The following DGKI variants were observed in gnomAD, a reference collection of about 807,000 sequenced individuals.
DGKI encodes the protein DAG kinase iota.
DGKI carries 55 observed loss-of-function variants against 147.5 expected under a neutral mutation model. The ratio of observed to expected loss-of-function variants is 0.37; its 90% CI spans 0.30 to 0.47. The LOEUF (loss-of-function observed/expected upper bound fraction) is 0.47, where lower values mean the gene tolerates loss of function less well. Ranked by LOEUF, DGKI falls within the 20% of genes least tolerant of loss-of-function variation. DGKI has a pLI of 1.00. For synonymous variants in DGKI, 469 were observed against 477.1 expected (o/e 0.98, Z 0.22); for missense variants, 1,007 against 1,323.8 (o/e 0.76, Z 3.71).
At chr7:137,652,932 C>T (rs1409992855) in intron 5 of DGKI, among the ~76,000 whole-genome samples, 3 of 152,200 alleles carry the variant, frequency 2.0e-5, no homozygotes, top group Non-Finnish European at 4.4e-5. Flanking sequence ...TGACCTCCAG[C>T]CCAGTCTTCC....
At chr7:137,726,629 T>C (rs754171585) in intron 1 of DGKI, among the ~76,000 whole-genome samples, 22 of 152,226 alleles carry the variant, frequency 1.4e-4, no homozygotes, top group Admixed American at 9.8e-4. Flanking sequence ...AACTACAAGT[T>C]CTTCCACGGA....
intron 21 of DGKI, among the ~76,000 whole-genome samples, chr7:137,501,735 AAC>A (rs1391068657): frequency 1.3e-5 from 2 of 152,164 alleles, no homozygotes; most frequent in Non-Finnish European, 2.9e-5. Context: ...CTCTGAGGTT[AAC>A]ACACATGCCA....
chr7:137,453,552 G>T (rs376025462), intron 27 of DGKI, among the ~76,000 whole-genome samples: 12 of 152,360 alleles, frequency 7.9e-5, no homozygotes, highest in African/African-American at 2.9e-4. Context: ...GCGAGAATGA[G>T]AGTGAGAGAT....
At chr7:137,464,092 A>T (rs1294898534) in intron 26 of DGKI, among the ~76,000 whole-genome samples, 2 of 151,740 alleles carry the variant, frequency 1.3e-5, no homozygotes, top group East Asian at 3.9e-4. Context: ...CATGAAGAAA[A>T]CGACCATACA....
intron 3 of DGKI, among the ~76,000 whole-genome samples, chr7:137,675,477 G>A (rs1247047964): frequency 6.9e-6 from 1 of 144,762 alleles, no homozygotes; most frequent in Non-Finnish European, 1.5e-5. Context: ...CTGAGGTCAG[G>A]AGTTTGAGAC....
intron 28 of DGKI, among the ~76,000 whole-genome samples, chr7:137,426,238 C>A (rs142565901): frequency 0.059 from 8,979 of 152,122 alleles, 701 homozygotes; most frequent in African/African-American, 0.18. Context: ...GAGTGGGGGC[C>A]GATATTCAAC....
chr7:137,669,956 T>C (rs540173112), intron 3 of DGKI, among the ~76,000 whole-genome samples: 2 of 152,216 alleles, frequency 1.3e-5, no homozygotes, highest in East Asian at 3.9e-4. Flanking sequence ...TCCTACAAAA[T>C]GGCAATGGGT....
rs527868883 is a variant in DGKI, at chr7:137,551,987, G to A, written c.2147+382C>T. 3.3e-5 allele frequency among the ~76,000 whole-genome samples: 5 copies of A among 152,254 alleles called. No homozygotes were observed. In the East Asian group the frequency reaches 5.8e-4, roughly 18 times the overall value. Reference sequence around the variant, plus strand: ...CTGGAGAAACCAACACTCTCCAAGCGACCTGGGTAAAGAGCAGGCTAACTA... The same window carrying A: ...CTGGAGAAACCAACACTCTCCAAGCAACCTGGGTAAAGAGCAGGCTAACTA... On this transcript the variant is annotated intron_variant, in intron 20 of 32. Transcript: ENST00000614521.
At chr7:137,577,017 C>A (rs112203763) in intron 17 of DGKI, among the ~76,000 whole-genome samples, 1 of 152,092 alleles carries the variant, frequency 6.6e-6, no homozygotes, top group Admixed American at 6.5e-5. Flanking sequence ...TCTTCAGGAG[C>A]GAAACTAGTC....
chr7:137,406,015 T>G (rs1015500160), intron 30 of DGKI, among the ~76,000 whole-genome samples: 4 of 151,840 alleles, frequency 2.6e-5, no homozygotes, highest in Non-Finnish European at 5.9e-5. Context: ...GAGAGAGAGA[T>G]TCCTGGATTG....
At chr7:137,715,888 A>G (rs1794361420) in intron 1 of DGKI, among the ~76,000 whole-genome samples, 1 of 152,210 alleles carries the variant, frequency 6.6e-6, no homozygotes, top group Non-Finnish European at 1.5e-5. Context: ...ACTTTACCAG[A>G]TAAACAATCA....
chr7:137,619,645 G>A lies in DGKI; in HGVS notation c.993+179C>T, dbSNP rs73152507. On this transcript the variant is annotated intron_variant, in intron 8 of 32. Coordinates refer to ENST00000614521, the MANE Select transcript of DGKI (RefSeq NM_001321708.2). ...GGATGGGGAGGCTGGTTCCATGAGA[G>A]AGCCCAAAGTGGGAAAGAGATGGGC... Among the ~76,000 whole-genome samples the A allele has an allele frequency of 3.1e-3, 474 of 152,308 alleles. 2 individuals are homozygous for A. Among genetic ancestry groups the A allele is most frequent in the Non-Finnish European group, 4.8e-3 (327 of 68,018 alleles).
chr7:137,573,796 C>T (rs888690441), intron 17 of DGKI, among the ~76,000 whole-genome samples: 1 of 152,206 alleles, frequency 6.6e-6, no homozygotes, highest in African/African-American at 2.4e-5. Flanking sequence ...CAACAACCCT[C>T]GAACATGGAT....
At chr7:137,549,484 G>A (rs1026353376) in intron 20 of DGKI, among the ~76,000 whole-genome samples, 1 of 152,050 alleles carries the variant, frequency 6.6e-6, no homozygotes, top group African/African-American at 2.4e-5. Flanking sequence ...TCTTCTTACT[G>A]GGAACACACA....
Position 137,390,862 on chromosome 7 carries a change from G to A in DGKI, c.*358C>T, listed in dbSNP as rs1245280468. On this transcript the variant is annotated 3_prime_UTR_variant, in exon 33 of 33. Transcript: ENST00000614521. ...GTATGGTACAGGGAAAAAAACCAAT[G>A]CATAGGGGGAGGATGGAGCAGTGCC... 1 of 244,656 alleles carries A rather than the reference G, an allele frequency of 4.1e-6. No homozygotes were observed. The highest frequency in any genetic ancestry group is 2.3e-5 in the African/African-American group (1 of 42,784). 15.2% of individuals were successfully genotyped at this position (244,656 alleles called of 1,614,324 possible). A position where few individuals can be genotyped will look rare whatever the true frequency, so the allele number is the denominator to read the frequency against.
intron 6 of DGKI, among the ~76,000 whole-genome samples, chr7:137,640,154 G>A (rs185978818): frequency 6.6e-6 from 1 of 152,026 alleles, no homozygotes; most frequent in East Asian, 1.9e-4. Context: ...CTGAAACTTT[G>A]TGCCCTTTGC....
At chr7:137,639,939 A>G (rs758436996) in intron 6 of DGKI, among the ~76,000 whole-genome samples, 7 of 152,086 alleles carry the variant, frequency 4.6e-5, no homozygotes, top group Non-Finnish European at 8.8e-5. Flanking sequence ...ATGAATCACC[A>G]CAATCCATGA....
In DGKI at chr7:137,691,808, T is replaced by G. The variant is rs942918195; in HGVS notation, c.402-1806A>C. Among the ~76,000 whole-genome samples the G allele has an allele frequency of 8.3e-5, 11 of 133,228 alleles. 1 individual carries two copies. In the South Asian group the frequency reaches 1.7e-3, roughly 20 times the overall value. The allele number at this position is 133,228 out of a possible 152,430, so 87.4% of individuals were successfully genotyped here. On this transcript the variant is annotated intron_variant, in intron 1 of 32. Coordinates refer to ENST00000614521, the MANE Select transcript of DGKI (RefSeq NM_001321708.2). ...TGTCTAGACCTTTGGGTTTTTTTTT[T>G]TTTTTTTTTTTTTAAGCCTCTTGTA...
intron 28 of DGKI, among the ~76,000 whole-genome samples, chr7:137,422,749 C>T (rs57171076): frequency 0.41 from 61,538 of 151,122 alleles, 13,106 homozygotes; most frequent in East Asian, 0.75. Context: ...GGACTACAGG[C>T]GCCCGCCACC....
Sources: gnomAD v4.1 joint callset for allele counts (sites outside exome capture counted in the v4.1 genomes callset) on GRCh38, gnomAD v4.1.1 for gene constraint, MANE v1.5 for transcripts, NCBI Gene and HGNC (gene_info 2026-07-23, HGNC 2026-07-21) for gene names.